The following EPB41L5 variants were observed in gnomAD, a reference collection of about 807,000 sequenced individuals.
The protein encoded by EPB41L5 is band 4.1-like protein 5.
Under a neutral mutation model 106.6 loss-of-function variants are expected in EPB41L5, and 55 were observed. That is an observed-to-expected ratio of 0.52 (90% CI 0.42 to 0.65). The LOEUF (loss-of-function observed/expected upper bound fraction) is 0.65, where lower values mean the gene tolerates loss of function less well. Ranked by LOEUF, EPB41L5 falls within the 30% of genes least tolerant of loss-of-function variation. EPB41L5 has a pLI of 0.00. For missense variants in EPB41L5, 871 were observed against 882.1 expected, an observed-to-expected ratio of 0.99 and a Z score of 0.16; for synonymous variants, 297 against 306.7, an observed-to-expected ratio of 0.97 and a Z score of 0.33.
At chr2:120,124,527 A>G (rs1685372155) in intron 16 of EPB41L5, among the ~76,000 whole-genome samples, 1 of 152,230 alleles carries the variant, frequency 6.6e-6, no homozygotes, top group Non-Finnish European at 1.5e-5. Flanking sequence ...CAATGCAGAC[A>G]TGACGTTACT....
chr2:120,163,947 T>C (rs1377965139), intron 21 of EPB41L5, among the ~76,000 whole-genome samples: 2 of 114,244 alleles, frequency 1.8e-5, no homozygotes, highest in East Asian at 5.3e-4. Flanking sequence ...AGATCTTGTC[T>C]CAAAACAACT....
At chr2:120,110,723 C>G (rs1684690503) in intron 16 of EPB41L5, among the ~76,000 whole-genome samples, 1 of 151,730 alleles carries the variant, frequency 6.6e-6, no homozygotes, top group African/African-American at 2.4e-5. Context: ...CAGCCTCCGC[C>G]TCCTGGGTTT....
At chr2:120,077,141 T>G (rs1682302857) in intron 8 of EPB41L5, 50 bp downstream of exon 8, 1 of 1,593,444 alleles carries the variant, frequency 6.3e-7, no homozygotes, top group African/African-American at 1.4e-5. Flanking sequence ...AACAGTTATT[T>G]CATATTCATT....
At chr2:120,119,030 C>T (rs1685084927) in intron 16 of EPB41L5, among the ~76,000 whole-genome samples, 1 of 152,076 alleles carries the variant, frequency 6.6e-6, no homozygotes, top group Non-Finnish European at 1.5e-5. Flanking sequence ...TAGCCTTTCT[C>T]CATGGTGTGA....
chr2:120,063,599 T>C (rs1681229509), intron 3 of EPB41L5, among the ~76,000 whole-genome samples: 1 of 152,012 alleles, frequency 6.6e-6, no homozygotes, highest in South Asian at 2.1e-4. Context: ...GACATGCGAT[T>C]TACCTGTATA....
chr2:120,112,704 T>C (rs997757398), intron 16 of EPB41L5, among the ~76,000 whole-genome samples: 2 of 152,166 alleles, frequency 1.3e-5, no homozygotes, highest in African/African-American at 2.4e-5. Context: ...GAATGATGAA[T>C]CAGGTTTGAG....
At chr2:120,165,535 T>C (rs1338603928) in intron 22 of EPB41L5, among the ~76,000 whole-genome samples, 1 of 152,194 alleles carries the variant, frequency 6.6e-6, no homozygotes, top group African/African-American at 2.4e-5. Flanking sequence ...AGCCTGCACA[T>C]GTTCAGTACA....
chr2:120,106,117 T>A (rs1684439094), intron 16 of EPB41L5: 1 of 985,120 alleles, frequency 1.0e-6, no homozygotes, highest in African/African-American at 1.7e-5. Flanking sequence ...TTTGAGTTAA[T>A]CAGTACTGTT....
chr2:120,132,806 T>C (rs1447489081), intron 18 of EPB41L5, among the ~76,000 whole-genome samples: 1 of 151,698 alleles, frequency 6.6e-6, no homozygotes, highest in Non-Finnish European at 1.5e-5. Flanking sequence ...GATTAATAAC[T>C]AATGGAAATT....
At chr2:120,092,320 C>T (rs535426129) in intron 13 of EPB41L5, among the ~76,000 whole-genome samples, 48 of 152,086 alleles carry the variant, frequency 3.2e-4, no homozygotes, top group Non-Finnish European at 5.6e-4. Flanking sequence ...CATGCCTGGC[C>T]AAAACATTGT....
In EPB41L5 at chr2:120,090,504, G is replaced by A. The variant is rs1683337732; in HGVS notation, c.1031G>A (p.Arg344Gln). 1.2e-6 allele frequency: 2 copies of A among 1,611,252 alleles called. No homozygotes were observed. Among genetic ancestry groups the A allele is most frequent in the South Asian group, 1.1e-5 (1 of 90,390 alleles). The change falls in exon 12 of 25, where the codon CGA becomes CAA. Residue 344 changes from arginine (R) to glutamine (Q), a missense_variant. Transcript: ENST00000263713. Reference protein sequence around the residue: ...HRSGFIRLGSRFRYSGKTEYQ... With the variant: ...HRSGFIRLGSQFRYSGKTEYQ... The stretch of plus-strand genomic sequence containing the variant: ...TCAGGATTTATTCGACTAGGATCAC[G>A]ATTTAGATATAGGTTAATTTTAATT...
chr2:120,174,430 A>G (rs1160467165), intron 24 of EPB41L5, among the ~76,000 whole-genome samples: 1 of 151,206 alleles, frequency 6.6e-6, no homozygotes, highest in Non-Finnish European at 1.5e-5. Context: ...ATGCCACTGC[A>G]CTCCAGCCTG....
intron 20 of EPB41L5, among the ~76,000 whole-genome samples, chr2:120,158,868 G>T (rs181924078): frequency 1.2e-3 from 184 of 152,304 alleles, no homozygotes; most frequent in African/African-American, 4.2e-3. Flanking sequence ...AGCTCATTAA[G>T]CTGATAAACA....
chr2:120,084,681 A>G (rs947394167), intron 10 of EPB41L5, among the ~76,000 whole-genome samples: 9 of 152,068 alleles, frequency 5.9e-5, no homozygotes, highest in African/African-American at 9.7e-5. Context: ...TGCCTCGCTA[A>G]GTTGGGGAAG....
At chr2:120,051,231 C>G (rs541839238) in intron 3 of EPB41L5, among the ~76,000 whole-genome samples, 1 of 152,190 alleles carries the variant, frequency 6.6e-6, no homozygotes. Context: ...GCCGTTTATT[C>G]GGCTATGCCC....
At chr2:120,156,071 A>G (rs1054319826) in intron 20 of EPB41L5, among the ~76,000 whole-genome samples, 2 of 152,160 alleles carry the variant, frequency 1.3e-5, no homozygotes, top group Non-Finnish European at 2.9e-5. Context: ...AGGAGCATCT[A>G]TTGTGGAGCA....
chr2:120,134,356 G>T (rs978563410), intron 18 of EPB41L5, among the ~76,000 whole-genome samples: 1 of 152,164 alleles, frequency 6.6e-6, no homozygotes, highest in Non-Finnish European at 1.5e-5. Flanking sequence ...CCCTGAGCCA[G>T]AAGAGAACCT....
intron 2 of EPB41L5, among the ~76,000 whole-genome samples, chr2:120,039,503 C>T (rs905020783): frequency 6.6e-6 from 1 of 151,878 alleles, no homozygotes; most frequent in African/African-American, 2.4e-5. Context: ...CTCGAAATTC[C>T]CCATGTGGTT....
intron 22 of EPB41L5, among the ~76,000 whole-genome samples, chr2:120,167,143 A>G (rs1440835831): frequency 1.3e-5 from 2 of 152,214 alleles, no homozygotes; most frequent in Admixed American, 1.3e-4. Context: ...CAGAAAATAA[A>G]ATGTTAAACT....
Sources: allele counts gnomAD v4.1 joint callset (sites outside exome capture counted in the v4.1 genomes callset), GRCh38; gene constraint gnomAD v4.1.1; transcripts MANE v1.5; gene names NCBI Gene and HGNC (gene_info 2026-07-23, HGNC 2026-07-21).